The following LRRC4C variants were observed in gnomAD, a reference collection of about 807,000 sequenced individuals.
LRRC4C encodes the protein leucine rich repeat containing 4C.
Under a neutral mutation model 33.6 loss-of-function variants are expected in LRRC4C, and 5 were observed. The ratio of observed to expected loss-of-function variants is 0.15; its 90% confidence interval spans 0.08 to 0.31. The LOEUF is 0.31. LRRC4C is among the 10% of genes least tolerant of loss of function. LRRC4C has a pLI of 1.00. For synonymous variants in LRRC4C, 329 were observed against 302.0 expected (o/e 1.09, Z -0.93); for missense variants, 560 against 796.7 (o/e 0.70, Z 3.58).
chr11:40,740,489 A>G (rs1948102691), intron 2 of LRRC4C, among the ~76,000 whole-genome samples: 1 of 151,944 alleles, frequency 6.6e-6, no homozygotes, highest in African/African-American at 2.4e-5. Flanking sequence ...AAAAAAAGTC[A>G]AGTTGTTTTC....
intron 1 of LRRC4C, among the ~76,000 whole-genome samples, chr11:41,442,026 T>C (rs1322146371): frequency 6.6e-6 from 1 of 152,206 alleles, no homozygotes; most frequent in East Asian, 1.9e-4. Flanking sequence ...ATATTTTCTT[T>C]ATATAGTTGT....
At chr11:40,836,061 A>G (rs1952656021) in intron 2 of LRRC4C, among the ~76,000 whole-genome samples, 1 of 152,188 alleles carries the variant, frequency 6.6e-6, no homozygotes, top group African/African-American at 2.4e-5. Flanking sequence ...GAAAAATTGA[A>G]TAATCTAAGA....
At chr11:41,381,221 G>T (rs1386637701) in intron 1 of LRRC4C, among the ~76,000 whole-genome samples, 2 of 152,076 alleles carry the variant, frequency 1.3e-5, no homozygotes, top group African/African-American at 4.8e-5. Context: ...ACACCAAAGT[G>T]GGGGGAACAT....
chr11:40,508,827 G>A (rs1044073975), intron 3 of LRRC4C, among the ~76,000 whole-genome samples: 1 of 152,130 alleles, frequency 6.6e-6, no homozygotes, highest in African/African-American at 2.4e-5. Flanking sequence ...TTGTTCAACT[G>A]TTGGCTTAAA....
intron 2 of LRRC4C, among the ~76,000 whole-genome samples, chr11:40,767,735 ATAAAT>A (rs1250681004): frequency 1.3e-5 from 2 of 152,118 alleles, no homozygotes; most frequent in South Asian, 2.1e-4. Flanking sequence ...AAGTCAATGA[ATAAAT>A]TAAGAAGAAA....
intron 1 of LRRC4C, among the ~76,000 whole-genome samples, chr11:41,456,949 T>C (rs1956187688): frequency 6.6e-6 from 1 of 152,192 alleles, no homozygotes; most frequent in South Asian, 2.1e-4. Context: ...GCTTTGCACA[T>C]TTCATAAGCT....
intron 1 of LRRC4C, among the ~76,000 whole-genome samples, chr11:41,124,697 TA>T (rs201203519): frequency 1.3e-5 from 2 of 152,160 alleles, no homozygotes; most frequent in South Asian, 2.1e-4. Context: ...ATTTCTACGT[TA>T]AAAAAATGTT....
intron 3 of LRRC4C, among the ~76,000 whole-genome samples, chr11:40,394,953 T>C (rs1349157238): frequency 6.6e-6 from 1 of 152,162 alleles, no homozygotes; most frequent in East Asian, 1.9e-4. Flanking sequence ...TTACCAATTA[T>C]CCAACTATTG....
intron 5 of LRRC4C, among the ~76,000 whole-genome samples, chr11:40,232,830 C>T (rs966045026): frequency 6.6e-6 from 1 of 152,206 alleles, no homozygotes; most frequent in Non-Finnish European, 1.5e-5. Flanking sequence ...TCACATCTTG[C>T]CTGGACTACT....
intron 1 of LRRC4C, among the ~76,000 whole-genome samples, chr11:41,051,671 G>A (rs973359646): frequency 6.6e-5 from 10 of 150,450 alleles, no homozygotes; most frequent in Non-Finnish European, 1.3e-4. Context: ...TTTAGATGCT[G>A]TAATTCTGCC....
intron 2 of LRRC4C, among the ~76,000 whole-genome samples, chr11:40,785,398 C>T (rs1950373197): frequency 6.6e-6 from 1 of 152,152 alleles, no homozygotes; most frequent in African/African-American, 2.4e-5. Context: ...TTGATTCTTA[C>T]TTTAAGTGAA....
intron 4 of LRRC4C, among the ~76,000 whole-genome samples, chr11:40,280,937 T>C (rs1190124185): frequency 6.6e-6 from 1 of 151,970 alleles, no homozygotes; most frequent in African/African-American, 2.4e-5. Flanking sequence ...AAAAGCGACC[T>C]TTTGGAGTTG....
chr11:40,727,614 G>C (rs1947348244), intron 2 of LRRC4C, among the ~76,000 whole-genome samples: 1 of 152,050 alleles, frequency 6.6e-6, no homozygotes, highest in African/African-American at 2.4e-5. Flanking sequence ...AGAGCAAACC[G>C]ACAGCATATA....
intron 5 of LRRC4C, among the ~76,000 whole-genome samples, chr11:40,212,188 C>A (rs992082543): frequency 3.9e-5 from 6 of 152,038 alleles, no homozygotes; most frequent in African/African-American, 1.2e-4. Context: ...TAATTTTGAT[C>A]CATCTAAAAA....
intron 1 of LRRC4C, among the ~76,000 whole-genome samples, chr11:41,009,178 T>A (rs980743332): frequency 2.0e-5 from 3 of 152,038 alleles, no homozygotes; most frequent in African/African-American, 7.2e-5. Context: ...TATTTTCTGA[T>A]ATATGTAGTA....
At chr11:41,194,223 G>T (rs1485199325) in intron 1 of LRRC4C, among the ~76,000 whole-genome samples, 2 of 152,028 alleles carry the variant, frequency 1.3e-5, no homozygotes, top group East Asian at 3.9e-4. Flanking sequence ...TATTGGTAAG[G>T]CATTCAGTCA....
At chr11:40,249,236 G>A (rs1023497904) in intron 4 of LRRC4C, among the ~76,000 whole-genome samples, 2 of 152,174 alleles carry the variant, frequency 1.3e-5, no homozygotes, top group African/African-American at 4.8e-5. Flanking sequence ...CTACTTGGGA[G>A]GCTGAGGCAG....
At chr11:40,676,310 C>T (rs1383884157) in intron 2 of LRRC4C, among the ~76,000 whole-genome samples, 1 of 152,094 alleles carries the variant, frequency 6.6e-6, no homozygotes, top group East Asian at 1.9e-4. Context: ...AATACTTGTC[C>T]AATCCTTGTC....
At chr11:41,103,039 CATA>C (rs1941289024) in intron 1 of LRRC4C, among the ~76,000 whole-genome samples, 2 of 151,916 alleles carry the variant, frequency 1.3e-5, no homozygotes, top group East Asian at 1.9e-4. Context: ...ACTATTCTAA[CATA>C]ATAATGTTTA....
Sources: gnomAD v4.1 joint callset for allele counts (sites outside exome capture counted in the v4.1 genomes callset) on GRCh38, gnomAD v4.1.1 for gene constraint, MANE v1.5 for transcripts, NCBI Gene and HGNC (gene_info 2026-07-23, HGNC 2026-07-21) for gene names.